The following ALKBH3 variants were observed in gnomAD, a reference collection of about 807,000 sequenced individuals.
ALKBH3 encodes the protein alpha-ketoglutarate-dependent dioxygenase alkB homolog 3.
Under a neutral mutation model 43.9 loss-of-function variants are expected in ALKBH3, and 51 were observed. The observed-to-expected ratio is 1.16, with a 90% CI of 0.93 to 1.47. The LOEUF (loss-of-function observed/expected upper bound fraction) is 1.47, where lower values mean the gene tolerates loss of function less well. ALKBH3 is among the 40% of genes most tolerant of loss of function. The pLI, the probability that ALKBH3 is intolerant of heterozygous loss-of-function variation, is 0.00. For missense variants in ALKBH3, 361 were observed against 351.9 expected (o/e 1.03, Z -0.21); for synonymous variants, 102 against 115.2 (o/e 0.89, Z 0.73).
At chr11:43,900,244 G>T (rs10838198) in intron 7 of ALKBH3, among the ~76,000 whole-genome samples, 1 of 91,934 alleles carries the variant, frequency 1.1e-5, no homozygotes, top group African/African-American at 5.1e-5. Context: ...TTTTTTTTGC[G>T]ACAGAGTCTC....
At chr11:43,882,329 T>C (rs971089508) in intron 1 of ALKBH3, among the ~76,000 whole-genome samples, 20 of 152,242 alleles carry the variant, frequency 1.3e-4, no homozygotes, top group African/African-American at 4.8e-4. Context: ...TAGGTCCTAA[T>C]TTTAGAATTT....
chr11:43,903,544 G>A (rs913426467), intron 8 of ALKBH3, among the ~76,000 whole-genome samples: 12 of 152,248 alleles, frequency 7.9e-5, no homozygotes, highest in African/African-American at 2.9e-4. Context: ...TCTCCTCCTG[G>A]AGCTCATCTA....
intron 8 of ALKBH3, among the ~76,000 whole-genome samples, chr11:43,907,842 G>A (rs1290692053): frequency 3.9e-5 from 6 of 152,130 alleles, no homozygotes; most frequent in Non-Finnish European, 8.8e-5. Context: ...CCATCAGGGA[G>A]CCAGTGAGGT....
intron 7 of ALKBH3, chr11:43,897,557 G>A (rs956179407): frequency 1.9e-5 from 15 of 782,516 alleles, no homozygotes; most frequent in African/African-American, 6.8e-5. Context: ...CTTTGATTCC[G>A]ACATTCATGG....
chr11:43,883,019 T>G (rs546703878), intron 2 of ALKBH3, 66 bp from the exon 3 acceptor site: 2 of 1,332,878 alleles, frequency 1.5e-6, no homozygotes, highest in East Asian at 4.7e-5. Flanking sequence ...TATTGGCCCT[T>G]GCTCAGTAGA....
rs1357937543 is a variant in ALKBH3, at chr11:43,919,077, A to T, written c.709A>T (p.Ile237Leu). Reference sequence around the variant, plus strand: ...CTACACATATGTGGAAAGAGTGAAGATACCCTTGGATCATGGGACCTTGTT... The same window carrying T: ...CTACACATATGTGGAAAGAGTGAAGTTACCCTTGGATCATGGGACCTTGTT... ...GDYTYVERVK[I>L]PLDHGTLLIM... Residue 237 changes from isoleucine (I) to leucine (L), a missense_variant, in exon 9 of 10, where the codon ATA becomes TTA. By Grantham distance (5) the Ile-to-Leu change is conservative. Coordinates refer to ENST00000302708, the MANE Select transcript of ALKBH3 (RefSeq NM_139178.4). 9 of 1,613,286 alleles carry T rather than the reference A, an allele frequency of 5.6e-6. No homozygotes were observed. Among genetic ancestry groups the T allele is most frequent in the Non-Finnish European group, 7.6e-6 (9 of 1,179,270 alleles).
rs761814681 is a variant in ALKBH3 at position 43,901,696 on chromosome 11, A to C, written c.640A>C (p.Thr214Pro). Residue 214 changes from threonine to proline, a missense_variant, in exon 8 of 10, where the codon ACA becomes CCA. Physicochemically the swap from Thr to Pro is conservative, Grantham distance 38. Coordinates refer to ENST00000302708, the MANE Select transcript of ALKBH3 (RefSeq NM_139178.4). ...TTCACTAAGTTTTGGTGCCACACGC[A>C]CATTTGAGATGAGAAAGAAGCCACC... ...IASLSFGATR[T>P]FEMRKKPPPE... is the part of the protein sequence containing the mutation. 8.1e-6 allele frequency: 13 copies of C among 1,614,272 alleles called. No homozygotes were observed. In the East Asian group the frequency reaches 2.7e-4, roughly 33 times the overall value.
chr11:43,919,248 A>G, intron 9 of ALKBH3, 112 bp downstream of exon 9: 1 of 877,842 alleles, frequency 1.1e-6, no homozygotes, highest in Non-Finnish European at 1.9e-6. Flanking sequence ...ACAACGAGCA[A>G]GAGGGAATGA....
chr11:43,898,360 G>A (rs1951834864), intron 7 of ALKBH3: 1 of 704,356 alleles, frequency 1.4e-6, no homozygotes, highest in Non-Finnish European at 2.6e-6. Flanking sequence ...GCACCAGGTA[G>A]ACTACATTCT....
In ALKBH3 at chr11:43,883,121, G is replaced by C; in HGVS notation, c.116G>C (p.Gly39Ala). ...AAGAGCCATCTCCACCAGAAGCCTG[G>C]CCAGACCTGGAAGAACAAAGAGCAT... The part of the protein sequence containing the change: ...TAKSHLHQKP[G>A]QTWKNKEHHL... The change falls in exon 3 of 10, where the codon GGC (glycine) becomes GCC (alanine). Residue 39 changes from glycine to alanine, a missense_variant. By Grantham distance (60) the Gly-to-Ala change is moderately conservative (BLOSUM62 0). Coordinates refer to ENST00000302708, the MANE Select transcript of ALKBH3 (RefSeq NM_139178.4). The C allele has an allele frequency of 6.2e-7, 1 of 1,614,056 alleles. No homozygotes were observed. The highest frequency in any genetic ancestry group is 8.5e-7 in the Non-Finnish European group (1 of 1,180,000).
intron 8 of ALKBH3, among the ~76,000 whole-genome samples, chr11:43,914,215 C>T (rs985364890): frequency 2.6e-5 from 4 of 152,198 alleles, no homozygotes; most frequent in African/African-American, 4.8e-5. Context: ...GCTTTAGAGC[C>T]GGGCCAATCT....
chr11:43,891,382 A>G (rs1351351945), intron 6 of ALKBH3, among the ~76,000 whole-genome samples: 4 of 152,230 alleles, frequency 2.6e-5, no homozygotes, highest in South Asian at 4.1e-4. Context: ...ATACAATGAG[A>G]TAACGCATGA....
intron 7 of ALKBH3, among the ~76,000 whole-genome samples, chr11:43,892,584 C>T (rs1489785826): frequency 6.6e-6 from 1 of 152,152 alleles, no homozygotes; most frequent in African/African-American, 2.4e-5. Flanking sequence ...CTCAGACTTC[C>T]GTCTGATTTT....
intron 8 of ALKBH3, among the ~76,000 whole-genome samples, chr11:43,903,182 T>A (rs1400577276): frequency 6.6e-6 from 1 of 152,256 alleles, no homozygotes; most frequent in Non-Finnish European, 1.5e-5. Flanking sequence ...GGTGTTTTTT[T>A]AAGTGAACTT....
rs750498435 is a variant in ALKBH3, at chr11:43,886,638, C to T, written c.251C>T (p.Pro84Leu). Reference sequence around the variant, plus strand: ...GGTGTGTATGAAATCAGCCTGTCACCCACAGGTGTATCTAGGTAAGCAAAT... The same window carrying T: ...GGTGTGTATGAAATCAGCCTGTCACTCACAGGTGTATCTAGGTAAGCAAAT... ...REGVYEISLS[P>L]TGVSRVCLYP... is the part of the protein sequence containing the mutation. The change falls in exon 5 of 10, where the codon CCC becomes CTC. Residue 84 changes from proline to leucine, a missense_variant. Transcript: ENST00000302708. 1.2e-6 allele frequency: 2 copies of T among 1,614,022 alleles called. No individual in the cohort carries two copies. The highest frequency in any genetic ancestry group is 1.1e-5 in the South Asian group (1 of 91,066).
chr11:43,914,527 A>G (rs1239760237), intron 8 of ALKBH3, among the ~76,000 whole-genome samples: 2 of 152,148 alleles, frequency 1.3e-5, no homozygotes, highest in Non-Finnish European at 2.9e-5. Context: ...AACAAACTCC[A>G]TGTAGATTAA....
At chr11:43,914,600 T>G (rs1195157705) in intron 8 of ALKBH3, among the ~76,000 whole-genome samples, 3 of 152,076 alleles carry the variant, frequency 2.0e-5, no homozygotes, top group Admixed American at 6.5e-5. Flanking sequence ...CAGTTGTATA[T>G]TTAACTTTCC....
chr11:43,908,239 G>T (rs1411958274), intron 8 of ALKBH3, among the ~76,000 whole-genome samples: 1 of 152,228 alleles, frequency 6.6e-6, no homozygotes, highest in Non-Finnish European at 1.5e-5. Context: ...AACCTTCAGA[G>T]CTCATTGAGA....
intron 7 of ALKBH3, chr11:43,897,256 G>A (rs117994943): frequency 0.012 from 6,723 of 560,264 alleles, 64 homozygotes; most frequent in Middle Eastern, 0.027. Context: ...CGACTGCTCC[G>A]CAGAGCTGCT....
Sources: gnomAD v4.1 joint callset for allele counts (sites outside exome capture counted in the v4.1 genomes callset) on GRCh38, gnomAD v4.1.1 for gene constraint, MANE v1.5 for transcripts, NCBI Gene and HGNC (gene_info 2026-07-23, HGNC 2026-07-21) for gene names.